KIF26B: variants seen among roughly 807,000 people sequenced by gnomAD.
KIF26B encodes kinesin-like protein KIF26B.
In KIF26B, 63 loss-of-function variants were observed where a neutral mutation model predicts 151.2. The ratio of observed to expected loss-of-function variants is 0.42; its 90% CI spans 0.34 to 0.51. KIF26B has a LOEUF of 0.51. Ranked by LOEUF, KIF26B falls within the 20% of genes least tolerant of loss-of-function variation. KIF26B has a pLI of 0.07. For synonymous variants in KIF26B, 1,357 were observed against 1,262.1 expected (o/e 1.08, Z -1.59); for missense variants, 2,813 against 2,913.6 (o/e 0.97, Z 0.79).
rs1237941377 is a variant in KIF26B, at chr1:245,684,350, C to T, written c.2376C>T (p.Ile792=). 6.2e-6 allele frequency: 10 copies of T among 1,613,824 alleles called. No homozygotes were observed. Among genetic ancestry groups the T allele is most frequent in the Admixed American group, 1.7e-5 (1 of 60,010 alleles). The part of the protein sequence containing the change: ...VGSYAETLST[I]QIASRVLRMK... ...GCTACGCGGAGACCCTGTCCACCAT[C>T]CAGATTGCATCGAGAGTCTTGAGGA... The change falls in exon 11 of 15, where the codon ATC becomes ATT. Residue 792 remains isoleucine, a synonymous_variant. Coordinates refer to ENST00000407071, the MANE Select transcript of KIF26B (RefSeq NM_018012.4).
At chr1:245,377,641 A>G (rs1482962076) in intron 3 of KIF26B, among the ~76,000 whole-genome samples, 1 of 152,160 alleles carries the variant, frequency 6.6e-6, no homozygotes, top group African/African-American at 2.4e-5. Context: ...CAGACAGATA[A>G]CTAGCTAGCT....
In KIF26B at chr1:245,660,871, AG is replaced by A. The variant is rs563457021; in HGVS notation, c.2258+14592del. 7.9e-5 allele frequency among the ~76,000 whole-genome samples: 12 copies of A among 152,200 alleles called. No individual in the cohort carries two copies. The South Asian group carries it at 2.3e-3, about 29-fold the overall frequency. On this transcript the variant is annotated intron_variant, in intron 10 of 14. Coordinates refer to ENST00000407071, the MANE Select transcript of KIF26B (RefSeq NM_018012.4). ...CATTCTGTCACTGAAGCTGGAGTGT[AG>A]TGGTGCGATCTTGGCTCACTGCAGC...
At position 245,540,931 on chromosome 1, in the gene KIF26B, A is replaced by T. The variant is rs745915892; in HGVS notation, c.1331A>T (p.Asp444Val). ...CTGAGGGCTGTCAACAAGGTGAAGG[A>T]CACCCCGGGGCTGGGCAAGGTAGGA... Reference protein sequence around the residue: ...CLLRAVNKVKDTPGLGKVKVM... With the variant: ...CLLRAVNKVKVTPGLGKVKVM... The change falls in exon 5 of 15, where the codon GAC becomes GTC. Residue 444 changes from aspartate (D) to valine (V), a missense_variant. Around this residue, in one of 3 missense-constraint regions of KIF26B, gnomAD observed 676 missense variants for 688.1 expected, o/e 0.98. Coordinates refer to ENST00000407071, the MANE Select transcript of KIF26B (RefSeq NM_018012.4). This position sits in a 1 kb window ranked among gnomAD's most constrained non-coding sequence, Gnocchi z 4.6. 6.2e-7 allele frequency: 1 copy of T among 1,613,634 alleles called. No homozygotes were observed. Among genetic ancestry groups the T allele is most frequent in the Non-Finnish European group, 8.5e-7 (1 of 1,179,656 alleles).
In KIF26B at chr1:245,607,702, G is replaced by A. The variant is rs1187667750; in HGVS notation, c.1609G>A (p.Gly537Arg). Reference sequence around the variant, plus strand: ...AGAGGTGATCCAGTCTGTGGTCAACGGGGCAGATGGCTGCGTGTTCTGTTT... The same window carrying A: ...AGAGGTGATCCAGTCTGTGGTCAACAGGGCAGATGGCTGCGTGTTCTGTTT... ...VAEVIQSVVNGADGCVFCFGH... is the reference protein window; with the variant it reads ...VAEVIQSVVNRADGCVFCFGH... The change falls in exon 7 of 15, where the codon GGG becomes AGG. Residue 537 changes from glycine (G) to arginine (R), a missense_variant. By Grantham distance (125) the Gly-to-Arg change is moderately radical. Coordinates refer to ENST00000407071, the MANE Select transcript of KIF26B (RefSeq NM_018012.4). 1.9e-6 allele frequency: 3 copies of A among 1,613,004 alleles called. No homozygotes were observed. The highest frequency in any genetic ancestry group is 1.3e-5 in the African/African-American group (1 of 74,908).
At chr1:245,424,077 C>T (rs1009650883) in intron 4 of KIF26B, among the ~76,000 whole-genome samples, 1 of 152,158 alleles carries the variant, frequency 6.6e-6, no homozygotes, top group Non-Finnish European at 1.5e-5. Context: ...CACCTAGGCT[C>T]AAGCAATCCT....
chr1:245,593,688 G>C (rs926737133), intron 5 of KIF26B, among the ~76,000 whole-genome samples: 2 of 152,166 alleles, frequency 1.3e-5, no homozygotes, highest in African/African-American at 4.8e-5. Context: ...TATATACCCA[G>C]TAATGGGATT....
chr1:245,353,372 C>G (rs535873376), intron 2 of KIF26B, among the ~76,000 whole-genome samples: 2 of 152,324 alleles, frequency 1.3e-5, no homozygotes, highest in East Asian at 1.9e-4. Flanking sequence ...CCGGCTCTCC[C>G]TACCATGAAA....
At chr1:245,249,603 C>A (rs758820389) in intron 2 of KIF26B, among the ~76,000 whole-genome samples, 28 of 151,524 alleles carry the variant, frequency 1.8e-4, no homozygotes, top group Non-Finnish European at 3.8e-4. Flanking sequence ...CTGCCTCAGC[C>A]TCCCTAGTAG....
At position 245,190,629 on chromosome 1, in the gene KIF26B, G is replaced by GTTTTTTTTTTTT. The variant is rs768099890; in HGVS notation, c.465+33950_465+33951insTTTTTTTTTTTT. On this transcript the variant is annotated intron_variant, in intron 2 of 14. Transcript: ENST00000407071. ...CTTTTCCTATAAGTTTTCCCTGAAT[G>GTTTTTTTTTTTT]TTTTGTTTTGTTTTTTTTTTTTTTT... 6.1e-4 allele frequency among the ~76,000 whole-genome samples: 49 copies of GTTTTTTTTTTTT among 80,058 alleles called. 5 individuals are homozygous for GTTTTTTTTTTTT. Among genetic ancestry groups the GTTTTTTTTTTTT allele is most frequent in the African/African-American group, 1.7e-3 (41 of 23,670 alleles). 52.5% of individuals were successfully genotyped at this position (80,058 alleles called of 152,430 possible).
intron 2 of KIF26B, among the ~76,000 whole-genome samples, chr1:245,216,615 C>T (rs1378596480): frequency 1.3e-5 from 2 of 152,130 alleles, no homozygotes; most frequent in African/African-American, 2.4e-5. Context: ...TGTAGCCTTT[C>T]GGAAAGTATG....
At chr1:245,494,339 C>T (rs1020191520) in intron 4 of KIF26B, among the ~76,000 whole-genome samples, 2 of 152,014 alleles carry the variant, frequency 1.3e-5, no homozygotes, top group African/African-American at 2.4e-5. Flanking sequence ...CAATCACATT[C>T]AAAGCTTAGC....
At chr1:245,537,895 A>G (rs533614058) in intron 4 of KIF26B, among the ~76,000 whole-genome samples, 37 of 152,354 alleles carry the variant, frequency 2.4e-4, no homozygotes, top group Admixed American at 1.3e-3. Context: ...TTGATTAATC[A>G]TAGGCATTAA....
At chr1:245,300,950 C>T (rs573851606) in intron 2 of KIF26B, among the ~76,000 whole-genome samples, 52 of 151,838 alleles carry the variant, frequency 3.4e-4, no homozygotes, top group African/African-American at 1.3e-3. Context: ...CCTGCCTCAG[C>T]CCCCCAGTAG....
intron 2 of KIF26B, among the ~76,000 whole-genome samples, chr1:245,249,581 G>A (rs1039754625): frequency 8.7e-5 from 13 of 149,384 alleles, no homozygotes; most frequent in Admixed American, 7.4e-4. Flanking sequence ...TCCACTTCCC[G>A]GGTTAATTAT....
At chr1:245,612,493 T>C (rs1202618761) in intron 9 of KIF26B, among the ~76,000 whole-genome samples, 1 of 152,206 alleles carries the variant, frequency 6.6e-6, no homozygotes, top group East Asian at 1.9e-4. Flanking sequence ...AAGTTCACTT[T>C]TGAACTGTCC....
intron 2 of KIF26B, among the ~76,000 whole-genome samples, chr1:245,344,676 C>T (rs1208289208): frequency 6.6e-6 from 1 of 151,850 alleles, no homozygotes; most frequent in Non-Finnish European, 1.5e-5. Context: ...AGTTCTTCTG[C>T]TGGGATGCTG....
intron 4 of KIF26B, among the ~76,000 whole-genome samples, chr1:245,482,658 G>A (rs1660192653): frequency 6.6e-6 from 1 of 151,702 alleles, no homozygotes; most frequent in Non-Finnish European, 1.5e-5. Flanking sequence ...TTGGGAAGGG[G>A]CCCATGGAGG....
At chr1:245,454,631 GCAGACTCCTGCTT>G (rs1418820564) in intron 4 of KIF26B, among the ~76,000 whole-genome samples, 2 of 152,170 alleles carry the variant, frequency 1.3e-5, no homozygotes, top group African/African-American at 4.8e-5. Context: ...CACTTTGTCA[GCAGACTCCTGCTT>G]CAGGCAAACA....
In KIF26B at chr1:245,365,335, G is replaced by A. The variant is rs770732333; in HGVS notation, c.466-1499G>A. On this transcript the variant is annotated intron_variant, in intron 2 of 14. Transcript: ENST00000407071. ...GTGTCTCCCTCCTGAGCCACCCCTT[G>A]CTGCTGCAGTGTAAAGAGGCCTCTT... is the stretch of plus-strand genomic sequence containing the variant. Among the ~76,000 whole-genome samples the A allele has an allele frequency of 5.3e-5, 8 of 152,294 alleles. No homozygotes were observed. In the South Asian group the frequency reaches 8.3e-4, roughly 16 times the overall value.
Sources: gnomAD v4.1 joint callset for allele counts (sites outside exome capture counted in the v4.1 genomes callset) on GRCh38, gnomAD v4.1.1 for gene constraint, gnomAD v4.1.1 regional missense constraint, Gnocchi (gnomAD v3.1) non-coding constraint, MANE v1.5 for transcripts, NCBI Gene and HGNC (gene_info 2026-07-23, HGNC 2026-07-21) for gene names.